The following DOP1B variants were observed in gnomAD, a reference collection of about 807,000 sequenced individuals.
DOP1B encodes the protein protein DOP1B.
Under a neutral mutation model 233.5 loss-of-function variants are expected in DOP1B, and 174 were observed. That is an observed-to-expected ratio of 0.75 (90% CI 0.66 to 0.85). DOP1B has a LOEUF of 0.85. DOP1B is among the 40% of genes least tolerant of loss of function. The pLI is 0.00. For missense variants in DOP1B, 2,652 were observed against 2,846.6 expected, an observed-to-expected ratio of 0.93 and a Z score of 1.56; for synonymous variants, 1,190 against 1,185.6, an observed-to-expected ratio of 1.00 and a Z score of -0.08.
chr21:36,247,991 T>G (rs2066989132), intron 20 of DOP1B, among the ~76,000 whole-genome samples: 1 of 152,234 alleles, frequency 6.6e-6, no homozygotes, highest in African/African-American at 2.4e-5. Flanking sequence ...AAGCCACTTG[T>G]TTGATTTTAG....
At chr21:36,170,968 G>A (rs1259443833) in intron 2 of DOP1B, among the ~76,000 whole-genome samples, 3 of 152,218 alleles carry the variant, frequency 2.0e-5, no homozygotes, top group African/African-American at 7.2e-5. Flanking sequence ...CAAAGGTGAT[G>A]CTGTCAGTCC....
Position 36,227,886 on chromosome 21 carries a change from T to C in DOP1B, c.1665+9T>C. ...CCACCAGCGGAACCTCGGTGTGTAC[T>C]CTGAGGGGCAGAAATGGTTCTGGGG... On this transcript the variant is annotated intron_variant, in intron 13 of 36. Coordinates refer to ENST00000691173, the MANE Select transcript of DOP1B (RefSeq NM_001320714.2). The C allele has an allele frequency of 6.4e-7, 1 of 1,572,644 alleles. No homozygotes were observed. The highest frequency in any genetic ancestry group is 1.1e-5 in the South Asian group (1 of 87,016).
rs199876454 is a variant in DOP1B at position 36,212,016 on chromosome 21, G to A, written c.823G>A (p.Val275Met). The change falls in exon 7 of 37, where the codon GTG becomes ATG. Residue 275 changes from valine (V) to methionine (M), a missense_variant. Val to Met is a conservative substitution (Grantham distance 21, BLOSUM62 1). Around this residue, in one of 3 missense-constraint regions of DOP1B, gnomAD observed 2,617 missense variants for 2,794.3 expected, o/e 0.94. Transcript: ENST00000691173. ...CATCCCCCTCCTCAGATCTGACATC[G>A]TGCGCATTCTCTCAGCCGCCACCCA... ...RAIPLLRSDI[V>M]RILSAATQTL... The A allele has an allele frequency of 4.9e-5, 79 of 1,613,758 alleles. No individual in the cohort carries two copies. The highest frequency in any genetic ancestry group is 6.1e-5 in the Non-Finnish European group (72 of 1,179,984).
intron 2 of DOP1B, among the ~76,000 whole-genome samples, chr21:36,170,820 A>T (rs1192335918): frequency 6.6e-6 from 1 of 151,038 alleles, no homozygotes; most frequent in Non-Finnish European, 1.5e-5. Flanking sequence ...AAAAAAAGAC[A>T]TAACTTTGTT....
chr21:36,182,242 A>T (rs2066107968), intron 2 of DOP1B, among the ~76,000 whole-genome samples: 1 of 152,150 alleles, frequency 6.6e-6, no homozygotes, highest in Non-Finnish European at 1.5e-5. Context: ...CTGGTTACCC[A>T]CCGATAACCA....
Position 36,254,733 on chromosome 21 carries a change from C to CTCTGCAGGTGTTA in DOP1B, c.5259+824_5259+825insTCTGCAGGTGTTA, listed in dbSNP as rs56167502. On this transcript the variant is annotated intron_variant, in intron 23 of 36. Coordinates refer to ENST00000691173, the MANE Select transcript of DOP1B (RefSeq NM_001320714.2). ...TCTAAGAAAGGGAGGTCAGGGGTCT[C>CTCTGCAGGTGTTA]GCAGGAACAAACAGTAAATTATTTG... 2.0e-5 allele frequency among the ~76,000 whole-genome samples: 3 copies of CTCTGCAGGTGTTA among 151,960 alleles called. No homozygotes were observed. In the East Asian group the frequency reaches 5.8e-4, roughly 29 times the overall value.
intron 7 of DOP1B, among the ~76,000 whole-genome samples, chr21:36,213,473 T>C (rs1052789754): frequency 2.6e-5 from 4 of 151,876 alleles, no homozygotes. Flanking sequence ...CACATAATGC[T>C]GGACAAAAAA....
In DOP1B at chr21:36,246,296, T is replaced by C. The variant is rs373928287; in HGVS notation, c.4316T>C (p.Ile1439Thr). ...DQIWSEHPLQ[I>T]ELLKLLQVLI... is the part of the protein sequence containing the mutation. ...ATCTGGAGTGAGCACCCGCTGCAGATTGAGCTGCTGAAGCTGCTGCAGGTG... is the reference window on the plus strand; with the variant it reads ...ATCTGGAGTGAGCACCCGCTGCAGACTGAGCTGCTGAAGCTGCTGCAGGTG... The change falls in exon 19 of 37, where the codon ATT (isoleucine) becomes ACT (threonine). Residue 1439 changes from isoleucine (I) to threonine (T), a missense_variant. Physicochemically the swap from Ile to Thr is moderately conservative, Grantham distance 89 (BLOSUM62 -1). Coordinates refer to ENST00000691173, the MANE Select transcript of DOP1B (RefSeq NM_001320714.2). This position sits in a 1 kb window ranked among gnomAD's most constrained non-coding sequence, Gnocchi z 5.1. The C allele has an allele frequency of 1.4e-5, 22 of 1,613,868 alleles. No individual in the cohort carries two copies. The highest frequency in any genetic ancestry group is 2.2e-5 in the East Asian group (1 of 44,896).
chr21:36,195,406 C>T (rs56004157), intron 2 of DOP1B, among the ~76,000 whole-genome samples: 30,010 of 148,876 alleles, frequency 0.2, 2,966 homozygotes, highest in African/African-American at 0.22. Context: ...TGGTGGTGCA[C>T]GCCTATAACC....
At position 36,200,333 on chromosome 21, in the gene DOP1B, G is replaced by A; in HGVS notation, c.323G>A (p.Cys108Tyr). 1 of 1,588,504 alleles carries A rather than the reference G, an allele frequency of 6.3e-7. No individual in the cohort carries two copies. Among genetic ancestry groups the A allele is most frequent in the Non-Finnish European group, 8.6e-7 (1 of 1,167,112 alleles). ...WLAKDLFLYS[C>Y]GLFPLLAHAA... is the part of the protein sequence containing the mutation. Reference sequence around the variant, plus strand: ...CTCCCTCTCGTTCTTTCTCGAAGCTGCGGGTTATTTCCTCTCCTGGCACAC... The same window carrying A: ...CTCCCTCTCGTTCTTTCTCGAAGCTACGGGTTATTTCCTCTCCTGGCACAC... The change falls in exon 4 of 37, where the codon TGC becomes TAC. Residue 108 changes from cysteine to tyrosine, a missense_variant and splice_region_variant. By Grantham distance (194) the Cys-to-Tyr change is radical. Around this residue, in one of 3 missense-constraint regions of DOP1B, gnomAD observed 2,617 missense variants for 2,794.3 expected, o/e 0.94. Coordinates refer to ENST00000691173, the MANE Select transcript of DOP1B (RefSeq NM_001320714.2).
chr21:36,176,252 A>G (rs1257519089), intron 2 of DOP1B, among the ~76,000 whole-genome samples: 1 of 152,062 alleles, frequency 6.6e-6, no homozygotes, highest in Non-Finnish European at 1.5e-5. Flanking sequence ...GGTATCCTAC[A>G]TGTCTGCTGG....
At chr21:36,184,019 A>G (rs2066134167) in intron 2 of DOP1B, among the ~76,000 whole-genome samples, 1 of 151,690 alleles carries the variant, frequency 6.6e-6, no homozygotes, top group Non-Finnish European at 1.5e-5. Context: ...GCGTGCCACC[A>G]CGCCTGGTTA....
Position 36,277,045 on chromosome 21 carries a change from T to G in DOP1B, c.5657T>G (p.Val1886Gly). The change falls in exon 28 of 37, where the codon GTG (valine) becomes GGG (glycine). Residue 1886 changes from valine (V) to glycine (G), a missense_variant. Coordinates refer to ENST00000691173, the MANE Select transcript of DOP1B (RefSeq NM_001320714.2). ...GATGCTGCTGCAGCTTCAGCAATGG[T>G]GTCTTCATCCGCCCCGTCGGTGTAC... ...LYDAAAASAM[V>G]SSSAPSVYSV... 1 of 1,614,136 alleles carries G rather than the reference T, an allele frequency of 6.2e-7. No individual in the cohort carries two copies. The highest frequency in any genetic ancestry group is 8.5e-7 in the Non-Finnish European group (1 of 1,180,016).
At chr21:36,194,177 G>A (rs967968850) in intron 2 of DOP1B, among the ~76,000 whole-genome samples, 1 of 152,100 alleles carries the variant, frequency 6.6e-6, no homozygotes, top group African/African-American at 2.4e-5. Flanking sequence ...TGTTAAGTGC[G>A]AGGCTCCATG....
intron 9 of DOP1B, 111 bp from the exon 10 acceptor site, chr21:36,219,261 T>G (rs1377248480): frequency 7.4e-7 from 1 of 1,354,766 alleles, no homozygotes; most frequent in African/African-American, 1.5e-5. Context: ...CTATATAAAA[T>G]GTCTGTCTGC....
intron 2 of DOP1B, among the ~76,000 whole-genome samples, chr21:36,187,551 C>T (rs563035233): frequency 7.6e-4 from 116 of 152,200 alleles, no homozygotes; most frequent in African/African-American, 2.6e-3. Flanking sequence ...CCTTCCTTTG[C>T]CTCCCAAAGT....
At position 36,169,153 on chromosome 21, in the gene DOP1B, T is replaced by G. The variant is rs917210714; in HGVS notation, c.138+4282T>G. On this transcript the variant is annotated intron_variant, in intron 2 of 36. Coordinates refer to ENST00000691173, the MANE Select transcript of DOP1B (RefSeq NM_001320714.2). ...GCAAAGATGTGCAGAGAATGAGCAC[T>G]CGCTTCTTGGTTCCCACCACACAGC... 4.6e-5 allele frequency: 45 copies of G among 971,956 alleles called. No individual in the cohort carries two copies. The Admixed American group carries it at 7.5e-4, about 16-fold the overall frequency. 60.2% of individuals were successfully genotyped at this position (971,956 alleles called of 1,614,324 possible). A position where few individuals can be genotyped will look rare whatever the true frequency, so the allele number is the denominator to read the frequency against.
At chr21:36,176,530 T>A (rs949627748) in intron 2 of DOP1B, among the ~76,000 whole-genome samples, 29 of 152,194 alleles carry the variant, frequency 1.9e-4, no homozygotes, top group Non-Finnish European at 7.4e-5. Context: ...CTAGCAACCT[T>A]TGTTCTGATG....
intron 7 of DOP1B, among the ~76,000 whole-genome samples, chr21:36,212,564 T>G (rs2066512174): frequency 6.6e-6 from 1 of 152,200 alleles, no homozygotes; most frequent in Admixed American, 6.5e-5. Flanking sequence ...TGGGCCATGT[T>G]TCTGTGTGTC....
Sources: gnomAD v4.1 joint callset for allele counts (sites outside exome capture counted in the v4.1 genomes callset) on GRCh38, gnomAD v4.1.1 for gene constraint, gnomAD v4.1.1 regional missense constraint, Gnocchi (gnomAD v3.1) non-coding constraint, MANE v1.5 for transcripts, NCBI Gene and HGNC (gene_info 2026-07-23, HGNC 2026-07-21) for gene names.